The following PTCH1 variants were observed in gnomAD, a reference collection of about 807,000 sequenced individuals.
The protein encoded by PTCH1 is patched 1, also known as protein patched homolog 1.
PTCH1 carries 14 observed loss-of-function variants against 144.6 expected under a neutral mutation model. The ratio of observed to expected loss-of-function variants is 0.10; its 90% CI spans 0.06 to 0.15. PTCH1 has a LOEUF of 0.15. Ranked by LOEUF, PTCH1 falls within the 10% of genes least tolerant of loss-of-function variation. PTCH1 has a pLI of 1.00. For missense variants in PTCH1, 1,623 were observed against 1,948.3 expected, an observed-to-expected ratio of 0.83 and a Z score of 3.14; for synonymous variants, 833 against 793.6, an observed-to-expected ratio of 1.05 and a Z score of -0.83.
At chr9:95,478,276 CCTT>C (rs1841246466) in intron 8 of PTCH1, 90 bp from the exon 9 acceptor site, 6 of 1,580,148 alleles carry the variant, frequency 3.8e-6, no homozygotes, top group South Asian at 2.2e-5. Context: ...ACAGCGCAGC[CCTT>C]CTTTTTTTCT....
rs372667391 is a variant in PTCH1, at chr9:95,460,752, G to A, written c.2704-969C>T. 3.0e-4 allele frequency among the ~76,000 whole-genome samples: 45 copies of A among 152,252 alleles called. No individual in the cohort carries two copies. The East Asian group carries it at 5.0e-3, about 17-fold the overall frequency. On this transcript the variant is annotated intron_variant, in intron 16 of 23. Coordinates refer to ENST00000331920, the MANE Select transcript of PTCH1 (RefSeq NM_000264.5). ...ATGCAGCACGCCTTTCTCCCTCCCG[G>A]GAGGAGGAAATGGTATCTGGGGGTC...
chr9:95,459,841 C>T, intron 16 of PTCH1, 58 bp from the exon 17 acceptor site: 1 of 1,575,204 alleles, frequency 6.3e-7, no homozygotes, highest in Non-Finnish European at 8.7e-7. Flanking sequence ...AAACACACTT[C>T]TGCCTTGAGA....
chr9:95,513,036 TCTC>T (rs1428829038), upstream of PTCH1, among the ~76,000 whole-genome samples: 4 of 152,282 alleles, frequency 2.6e-5, no homozygotes, highest in East Asian at 7.7e-4. Context: ...TTCCCTCACA[TCTC>T]CTCCCTTCTC....
At chr9:95,481,765 A>G in intron 5 of PTCH1, 184 bp downstream of exon 5, 2 of 638,106 alleles carry the variant, frequency 3.1e-6, no homozygotes, top group East Asian at 2.7e-5. Flanking sequence ...TGTTTTTTGA[A>G]AAGAGAAAAA....
chr9:95,508,699 C>T lies in PTCH1; in HGVS notation c.-338G>A, dbSNP rs1843957133. On this transcript the variant is annotated 5_prime_UTR_variant, in exon 1 of 24. Coordinates refer to ENST00000331920, the MANE Select transcript of PTCH1 (RefSeq NM_000264.5). ...GAGCCGGCGCGCCGAGCGAGCCTGT[C>T]CTTCGGGCGCTTCCGCGGCACTCCT... The T allele has an allele frequency of 4.1e-6, 4 of 987,002 alleles. No individual in the cohort carries two copies. The Admixed American group carries it at 1.8e-4, about 45-fold the overall frequency. The allele number at this position is 987,002 out of a possible 1,614,324, so 61.1% of individuals were successfully genotyped here. A position where few individuals can be genotyped will look rare whatever the true frequency, so the allele number is the denominator to read the frequency against.
chr9:95,503,286 G>C (rs1843280246), intron 2 of PTCH1: 1 of 152,138 alleles, frequency 6.6e-6, no homozygotes, highest in African/African-American at 2.4e-5. Context: ...CTTAAATGTG[G>C]AGCTATTACT....
In PTCH1 at chr9:95,480,430, G is replaced by C. The variant is rs1487227339; in HGVS notation, c.905C>G (p.Pro302Arg). 2.0e-5 allele frequency: 33 copies of C among 1,611,126 alleles called. No homozygotes were observed. The highest frequency in any genetic ancestry group is 2.8e-5 in the Non-Finnish European group (33 of 1,179,624). ...MDRPCLNPAD[P>R]DCPATAPNKN... ...GTTGGGGGCTGTGGCGGGGCAGTCT[G>C]GATCGGCCGGATTGAGGCAGGGGCG... Residue 302 changes from proline (P) to arginine (R), a missense_variant, in exon 6 of 24, where the codon CCA (proline) becomes CGA (arginine). Around this residue, in one of 7 missense-constraint regions of PTCH1, gnomAD observed 230 missense variants for 271.0 expected, o/e 0.85. Transcript: ENST00000331920.
At chr9:95,511,471 G>A (rs1844157703), upstream of PTCH1, among the ~76,000 whole-genome samples, 1 of 152,228 alleles carries the variant, frequency 6.6e-6, no homozygotes, top group Non-Finnish European at 1.5e-5. Context: ...GGGAGACGGG[G>A]TGGAGGTGTT....
At chr9:95,469,317 C>T (rs919061842) in intron 13 of PTCH1, 164 bp from the exon 14 acceptor site, 4 of 976,740 alleles carry the variant, frequency 4.1e-6, no homozygotes, top group Non-Finnish European at 6.2e-6. Flanking sequence ...TGGTTGATAA[C>T]ATCACCTGGT....
At chr9:95,463,674 T>C (rs1464522807) in intron 15 of PTCH1, among the ~76,000 whole-genome samples, 2 of 152,156 alleles carry the variant, frequency 1.3e-5, no homozygotes, top group East Asian at 1.9e-4. Flanking sequence ...ACTTGGTGAG[T>C]GTGGGGTGGC....
At position 95,475,152 on chromosome 9, in the gene PTCH1, A is replaced by G. The variant is rs559328850; in HGVS notation, c.1728+882T>C. Among the ~76,000 whole-genome samples the G allele has an allele frequency of 2.0e-5, 3 of 152,346 alleles. No individual in the cohort carries two copies. The South Asian group carries it at 6.2e-4, about 32-fold the overall frequency. On this transcript the variant is annotated intron_variant, in intron 12 of 23. Transcript: ENST00000331920. Reference sequence around the variant, plus strand: ...TAATTTTAGGATTCCTATGAATTTCAGGTAGCTCAAGGGCAACGTCAGTAA... The same window carrying G: ...TAATTTTAGGATTCCTATGAATTTCGGGTAGCTCAAGGGCAACGTCAGTAA...
intron 2 of PTCH1, among the ~76,000 whole-genome samples, chr9:95,496,155 G>A (rs1842778308): frequency 6.6e-6 from 1 of 152,158 alleles, no homozygotes; most frequent in South Asian, 2.1e-4. Context: ...CACCGCAGCT[G>A]GCATTTACAC....
At chr9:95,472,530 C>T (rs545343532) in intron 12 of PTCH1, among the ~76,000 whole-genome samples, 1 of 152,230 alleles carries the variant, frequency 6.6e-6, no homozygotes, top group Admixed American at 6.5e-5. Flanking sequence ...TAAAATCAGT[C>T]ATGTTTAGAA....
In PTCH1 at chr9:95,480,005, C is replaced by T. The variant is rs758585782; in HGVS notation, c.1031G>A (p.Gly344Asp). 6.2e-7 allele frequency: 1 copy of T among 1,614,086 alleles called. No individual in the cohort carries two copies. The highest frequency in any genetic ancestry group is 1.1e-5 in the South Asian group (1 of 91,064). ...YMHWQEELIV[G>D]GTVKNSTGKL... is the part of the protein sequence containing the mutation. ...TCCAGTGCTGTTCTTGACTGTGCCACCCACAATCAACTCCTCCTGCCAGTG... is the reference window on the plus strand; with the variant it reads ...TCCAGTGCTGTTCTTGACTGTGCCATCCACAATCAACTCCTCCTGCCAGTG... The change falls in exon 7 of 24, where the codon GGT becomes GAT. Residue 344 changes from glycine (G) to aspartate (D), a missense_variant. Physicochemically the swap from Gly to Asp is moderately conservative, Grantham distance 94. Coordinates refer to ENST00000331920, the MANE Select transcript of PTCH1 (RefSeq NM_000264.5).
At chr9:95,506,987 G>C (rs897290447) in intron 1 of PTCH1, 4 of 1,000,946 alleles carry the variant, frequency 4.0e-6, no homozygotes, top group African/African-American at 1.7e-5. Flanking sequence ...GGAGCCCAAG[G>C]TTCAGGAGCC....
Position 95,458,085 on chromosome 9 carries a change from G to A in PTCH1, c.3096C>T (p.Ile1032=), listed in dbSNP as rs1839105109. 1.2e-6 allele frequency: 2 copies of A among 1,614,236 alleles called. No homozygotes were observed. The highest frequency in any genetic ancestry group is 1.7e-6 in the Non-Finnish European group (2 of 1,180,038). ...IGLRHWLLLF[I]SVVLACTFLV... ...GGAATGTGCAGGCCAACACCACGCT[G>A]ATGAACAGCAGCAGCCAGTGGCGGA... Residue 1032 remains isoleucine (I), a synonymous_variant, in exon 18 of 24, where the codon ATC becomes ATT. Transcript: ENST00000331920. The surrounding 1 kb of genome is among the most constrained non-coding windows in gnomAD (Gnocchi z 4.7).
intron 1 of PTCH1, chr9:95,506,918 C>A: frequency 9.2e-7 from 1 of 1,083,200 alleles, no homozygotes; most frequent in Non-Finnish European, 1.1e-6. Context: ...AGAAACCACT[C>A]GACACAGACA....
chr9:95,516,115 G>T (rs564264764), intron 1 of PTCH1, among the ~76,000 whole-genome samples: 1 of 152,090 alleles, frequency 6.6e-6, no homozygotes, highest in African/African-American at 2.4e-5. Flanking sequence ...CCTTTCAGGC[G>T]TGAAAATGGG....
rs369760318 is a variant in PTCH1 at position 95,453,552 on chromosome 9, G to C, written c.3375C>G (p.Pro1125=). The C allele has an allele frequency of 2.5e-6, 4 of 1,614,082 alleles. No individual in the cohort carries two copies. The South Asian group carries it at 3.3e-5, about 13-fold the overall frequency. The part of the protein sequence containing the change: ...AVLALEHMFA[P]VLDGAVSTLL... ...GAGTGGACACGGCGCCATCCAGGAC[G>C]GGTGCAAACATGTGCTCCAGGGCAA... Residue 1125 remains proline (P), a synonymous_variant, in exon 20 of 24, where the codon CCC becomes CCG. Coordinates refer to ENST00000331920, the MANE Select transcript of PTCH1 (RefSeq NM_000264.5).
Sources: gnomAD v4.1 joint callset for allele counts (sites outside exome capture counted in the v4.1 genomes callset) on GRCh38, gnomAD v4.1.1 for gene constraint, gnomAD v4.1.1 regional missense constraint, Gnocchi (gnomAD v3.1) non-coding constraint, MANE v1.5 for transcripts, NCBI Gene and HGNC (gene_info 2026-07-23, HGNC 2026-07-21) for gene names.